Variants in RERE observed in about 807,000 individuals in gnomAD.
RERE encodes the protein arginine-glutamic acid dipeptide repeats protein.
In RERE, 40 loss-of-function variants were observed where a neutral mutation model predicts 146.1. That is an observed-to-expected ratio of 0.27 (90% confidence interval 0.21 to 0.36). The LOEUF (loss-of-function observed/expected upper bound fraction) is 0.36, where lower values mean the gene tolerates loss of function less well. Ranked by LOEUF, RERE falls within the 10% of genes least tolerant of loss-of-function variation. RERE has a pLI of 1.00. For missense variants in RERE, 1,933 were observed against 2,138.7 expected, an observed-to-expected ratio of 0.90 and a Z score of 1.90; for synonymous variants, 1,003 against 866.0, an observed-to-expected ratio of 1.16 and a Z score of -2.78.
At position 8,374,072 on chromosome 1, in the gene RERE, C is replaced by T. The variant is rs570848084; in HGVS notation, c.1285-8098G>A. Among the ~76,000 whole-genome samples the T allele has an allele frequency of 1.1e-4, 16 of 152,200 alleles. 1 individual carries two copies. Among genetic ancestry groups the T allele is most frequent in the African/African-American group, 3.1e-4 (13 of 41,448 alleles). ...GAATGATGATCTGCTTGAAGGCACA[C>T]GCAGAGAAGTGGAATTCTGAAATCT... On this transcript the variant is annotated intron_variant, in intron 12 of 22. Coordinates refer to ENST00000400908, the MANE Select transcript of RERE (RefSeq NM_001042681.2).
chr1:8,761,537 T>C (rs1640755697), intron 1 of RERE, among the ~76,000 whole-genome samples: 1 of 152,232 alleles, frequency 6.6e-6, no homozygotes, highest in Non-Finnish European at 1.5e-5. Context: ...CTATATGCCT[T>C]GTTCTAACAG....
chr1:8,495,815 A>G (rs778169116), intron 9 of RERE, among the ~76,000 whole-genome samples: 3 of 152,206 alleles, frequency 2.0e-5, no homozygotes, highest in Admixed American at 6.5e-5. Context: ...ATGTGAAATT[A>G]AGTCATCTAA....
chr1:8,734,695 C>A (rs1640158343), intron 1 of RERE, among the ~76,000 whole-genome samples: 1 of 152,180 alleles, frequency 6.6e-6, no homozygotes, highest in Admixed American at 6.5e-5. Flanking sequence ...AGGACGTTGC[C>A]TAAGTGCTCA....
chr1:8,370,291 G>A (rs939577502), intron 12 of RERE, among the ~76,000 whole-genome samples: 1 of 152,184 alleles, frequency 6.6e-6, no homozygotes, highest in Admixed American at 6.5e-5. Context: ...GTCCTTCCCA[G>A]AGATCACAAA....
intron 7 of RERE, among the ~76,000 whole-genome samples, chr1:8,539,079 TAAAAGAC>T (rs991765451): frequency 2.6e-5 from 4 of 152,182 alleles, no homozygotes; most frequent in African/African-American, 9.7e-5. Context: ...GTTGAAGAGT[TAAAAGAC>T]AAAAGCTACT....
chr1:8,370,606 G>T (rs1642000116), intron 12 of RERE, among the ~76,000 whole-genome samples: 1 of 152,240 alleles, frequency 6.6e-6, no homozygotes, highest in Non-Finnish European at 1.5e-5. Flanking sequence ...ACACTGGAAT[G>T]AAGCGAGTCT....
intron 20 of RERE, 61 bp downstream of exon 20, chr1:8,358,135 C>T: frequency 6.5e-7 from 1 of 1,530,626 alleles, no homozygotes. Context: ...GTGACTGTCA[C>T]TCATCAGGCT....
intron 4 of RERE, among the ~76,000 whole-genome samples, chr1:8,557,879 T>G (rs1646025840): frequency 6.6e-6 from 1 of 152,214 alleles, no homozygotes; most frequent in African/African-American, 2.4e-5. Flanking sequence ...ATTTTAATCT[T>G]TAATCATTTT....
chr1:8,471,108 C>T (rs1033577752), intron 10 of RERE, among the ~76,000 whole-genome samples: 1 of 152,000 alleles, frequency 6.6e-6, no homozygotes, highest in Admixed American at 6.6e-5. Flanking sequence ...TCAGCCACAG[C>T]GCCCAGCCTT....
intron 1 of RERE, among the ~76,000 whole-genome samples, chr1:8,717,466 G>A (rs1456392033): frequency 6.6e-6 from 1 of 152,160 alleles, no homozygotes; most frequent in African/African-American, 2.4e-5. Context: ...AGCTTGGCAA[G>A]CAGTTTCTCA....
chr1:8,502,336 TG>T lies in RERE; in HGVS notation c.880-4808del, dbSNP rs1343376724. On this transcript the variant is annotated intron_variant, in intron 8 of 22. Coordinates refer to ENST00000400908, the MANE Select transcript of RERE (RefSeq NM_001042681.2). ...CGAGCCGCCCCGTCCGGGAGGGTGG[TG>T]GGGGGGTCAGCCCCCCGCCCGGCCA... Among the ~76,000 whole-genome samples, 923 of 94,916 alleles carry T rather than the reference TG, an allele frequency of 9.7e-3. 28 individuals are homozygous for T. The highest frequency in any genetic ancestry group is 0.04 in the African/African-American group (874 of 21,940). 62.3% of individuals were successfully genotyped at this position (94,916 alleles called of 152,430 possible). A position where few individuals can be genotyped will look rare whatever the true frequency, so the allele number is the denominator to read the frequency against.
intron 1 of RERE, among the ~76,000 whole-genome samples, chr1:8,807,881 C>T (rs1641719885): frequency 6.6e-6 from 1 of 152,106 alleles, no homozygotes; most frequent in South Asian, 2.1e-4. Context: ...TATGATGTCA[C>T]CCTGTTTACT....
chr1:8,609,436 C>T (rs1047892754), intron 4 of RERE, among the ~76,000 whole-genome samples: 1 of 151,604 alleles, frequency 6.6e-6, no homozygotes, highest in Non-Finnish European at 1.5e-5. Flanking sequence ...TTTAGGGTAG[C>T]TGGATTAATC....
At chr1:8,751,778 A>T (rs1193246692) in intron 1 of RERE, among the ~76,000 whole-genome samples, 1 of 58,772 alleles carries the variant, frequency 1.7e-5, no homozygotes, top group Non-Finnish European at 3.7e-5. Flanking sequence ...CTTTCACTTT[A>T]AAAAAAAAAA....
intron 10 of RERE, among the ~76,000 whole-genome samples, chr1:8,470,784 A>C (rs1226449332): frequency 6.7e-6 from 1 of 150,318 alleles, no homozygotes; most frequent in Non-Finnish European, 1.5e-5. Context: ...CTTGTCTGAG[A>C]AAATTCTGAG....
At chr1:8,555,361 G>T (rs1367497525) in intron 6 of RERE, among the ~76,000 whole-genome samples, 1 of 152,150 alleles carries the variant, frequency 6.6e-6, no homozygotes, top group Non-Finnish European at 1.5e-5. Flanking sequence ...GCTGAGCTGA[G>T]TCACTGCAAC....
chr1:8,636,883 T>C (rs1647108205), intron 2 of RERE, among the ~76,000 whole-genome samples: 1 of 152,166 alleles, frequency 6.6e-6, no homozygotes, highest in South Asian at 2.1e-4. Flanking sequence ...GCTTTGCCTG[T>C]AGCTCAAGAA....
chr1:8,688,924 G>A (rs1639148807), intron 1 of RERE, among the ~76,000 whole-genome samples: 1 of 151,978 alleles, frequency 6.6e-6, no homozygotes, highest in Non-Finnish European at 1.5e-5. Context: ...AACTTAGGAT[G>A]GGTTTCCTGG....
chr1:8,735,737 C>A (rs1349905830), intron 1 of RERE, among the ~76,000 whole-genome samples: 1 of 152,116 alleles, frequency 6.6e-6, no homozygotes, highest in Non-Finnish European at 1.5e-5. Flanking sequence ...GAGATCTGGT[C>A]GTTTAAATTG....
Sources: allele counts gnomAD v4.1 joint callset (sites outside exome capture counted in the v4.1 genomes callset), GRCh38; gene constraint gnomAD v4.1.1; transcripts MANE v1.5; gene names NCBI Gene and HGNC (gene_info 2026-07-23, HGNC 2026-07-21).